The following PCDH7 variants were observed in gnomAD, a reference collection of about 807,000 sequenced individuals.
PCDH7 encodes the protein protocadherin 7.
PCDH7 carries 17 observed loss-of-function variants against 58.9 expected under a neutral mutation model. The ratio of observed to expected loss-of-function variants is 0.29; its 90% CI spans 0.20 to 0.43. The LOEUF is 0.43. Ranked by LOEUF, PCDH7 falls within the 20% of genes least tolerant of loss-of-function variation. PCDH7 has a pLI of 1.00. For synonymous variants in PCDH7, 664 were observed against 616.4 expected (o/e 1.08, Z -1.14); for missense variants, 1,274 against 1,441.0 (o/e 0.88, Z 1.88).
chr4:30,964,006 G>A (rs767543387), intron 3 of PCDH7, among the ~76,000 whole-genome samples: 1 of 152,056 alleles, frequency 6.6e-6, no homozygotes, highest in Non-Finnish European at 1.5e-5. Flanking sequence ...CTCCTTTGAT[G>A]TATCTTCAGG....
chr4:30,893,283 ATTG>A (rs1292188731), intron 1 of PCDH7, among the ~76,000 whole-genome samples: 8 of 152,048 alleles, frequency 5.3e-5, no homozygotes, highest in Admixed American at 5.2e-4. Context: ...CCAAGCTACC[ATTG>A]TTGTTGTTTT....
intron 3 of PCDH7, among the ~76,000 whole-genome samples, chr4:30,952,792 C>T (rs943155201): frequency 3.3e-5 from 5 of 152,008 alleles, no homozygotes; most frequent in Admixed American, 6.6e-5. Context: ...GAGCAAGATA[C>T]GGGCTTATGC....
At chr4:30,771,459 G>A (rs1019358732) in intron 1 of PCDH7, among the ~76,000 whole-genome samples, 1 of 152,148 alleles carries the variant, frequency 6.6e-6, no homozygotes, top group African/African-American at 2.4e-5. Context: ...GCAGTCAGAG[G>A]ATCTTAGCAT....
chr4:30,728,277 G>T (rs1330197779), intron 1 of PCDH7, among the ~76,000 whole-genome samples: 1 of 139,724 alleles, frequency 7.2e-6, no homozygotes, highest in Non-Finnish European at 1.6e-5. Flanking sequence ...ACATACATAT[G>T]TATATATATA....
intron 1 of PCDH7, among the ~76,000 whole-genome samples, chr4:30,849,378 C>T (rs1448313238): frequency 6.6e-6 from 1 of 152,146 alleles, no homozygotes; most frequent in Non-Finnish European, 1.5e-5. Context: ...TACTGATTCT[C>T]AGAATAGGCA....
chr4:31,062,809 A>G (rs1341393341), intron 3 of PCDH7, among the ~76,000 whole-genome samples: 1 of 151,804 alleles, frequency 6.6e-6, no homozygotes, highest in Non-Finnish European at 1.5e-5. Flanking sequence ...ATAAAGCGTA[A>G]CTTTGAGGTT....
intron 1 of PCDH7, among the ~76,000 whole-genome samples, chr4:30,766,939 T>C (rs553614346): frequency 6.6e-6 from 1 of 152,162 alleles, no homozygotes; most frequent in Non-Finnish European, 1.5e-5. Flanking sequence ...TTTTAAAAGA[T>C]GGGCTTACAG....
At chr4:30,885,680 A>C (rs1030672262) in intron 1 of PCDH7, among the ~76,000 whole-genome samples, 2 of 152,180 alleles carry the variant, frequency 1.3e-5, no homozygotes, top group Non-Finnish European at 2.9e-5. Context: ...CCTAAGCCAA[A>C]AGAACAAAGC....
chr4:31,008,233 C>T (rs1435951039), intron 3 of PCDH7, among the ~76,000 whole-genome samples: 1 of 152,038 alleles, frequency 6.6e-6, no homozygotes, highest in African/African-American at 2.4e-5. Context: ...TGAGTATTTT[C>T]ACTTTCTGAG....
intron 3 of PCDH7, among the ~76,000 whole-genome samples, chr4:31,068,701 C>T (rs1758296716): frequency 6.6e-6 from 1 of 152,006 alleles, no homozygotes; most frequent in Non-Finnish European, 1.5e-5. Flanking sequence ...TCTCCCTAAC[C>T]TGTCTGCTGG....
chr4:30,721,444 G>A lies in PCDH7; in HGVS notation c.22G>A (p.Gly8Arg). Residue 8 changes from glycine (G) to arginine (R), a missense_variant, in exon 1 of 2, where the codon GGA becomes AGA. Physicochemically the swap from Gly to Arg is moderately radical, Grantham distance 125. Transcript: ENST00000361762. This position sits in a 1 kb window ranked among gnomAD's most constrained non-coding sequence, Gnocchi z 6.7. ...GAAGATGCTGAGGATGCGGACCGCG[G>A]GATGGGCGCGCGGCTGGTGCTTGGG... The A allele has an allele frequency of 2.6e-6, 4 of 1,535,926 alleles. No homozygotes were observed. The highest frequency in any genetic ancestry group is 3.5e-6 in the Non-Finnish European group (4 of 1,145,006).
intron 1 of PCDH7, among the ~76,000 whole-genome samples, chr4:30,801,350 A>G (rs981552811): frequency 3.3e-5 from 5 of 152,200 alleles, no homozygotes; most frequent in African/African-American, 1.2e-4. Flanking sequence ...CCCAGTGAAT[A>G]TATGCATATA....
intron 3 of PCDH7, among the ~76,000 whole-genome samples, chr4:31,026,962 T>G (rs925142226): frequency 1.3e-5 from 2 of 152,192 alleles, no homozygotes; most frequent in Non-Finnish European, 2.9e-5. Context: ...AATTATTGCA[T>G]TTTAAGTAAA....
At chr4:30,916,598 G>A (rs1036614183) in intron 1 of PCDH7, among the ~76,000 whole-genome samples, 2 of 152,080 alleles carry the variant, frequency 1.3e-5, no homozygotes, top group African/African-American at 2.4e-5. Context: ...ACACAAAATC[G>A]TTTATCACCC....
chr4:30,791,960 A>G (rs1724173242), intron 1 of PCDH7, among the ~76,000 whole-genome samples: 2 of 152,214 alleles, frequency 1.3e-5, no homozygotes, highest in Admixed American at 1.3e-4. Flanking sequence ...TATGATAACC[A>G]TTTCACAAAT....
chr4:31,115,482 A>G (rs1461494965), intron 3 of PCDH7, among the ~76,000 whole-genome samples: 1 of 152,118 alleles, frequency 6.6e-6, no homozygotes, highest in African/African-American at 2.4e-5. Context: ...TTTTCCGCTC[A>G]TTCTTTATTT....
intron 3 of PCDH7, among the ~76,000 whole-genome samples, chr4:31,056,458 G>GAAAGAAAGAAAGAAAGAAAGA (rs376643176): frequency 1.2e-5 from 1 of 83,156 alleles, no homozygotes; most frequent in Non-Finnish European, 2.2e-5. Context: ...AAGAAAGAAA[G>GAAAGAAAGAAAGAAAGAAAGA]AAGAAAGAAA....
At chr4:30,909,326 G>A (rs759069060) in intron 1 of PCDH7, among the ~76,000 whole-genome samples, 12 of 152,118 alleles carry the variant, frequency 7.9e-5, no homozygotes, top group Non-Finnish European at 1.6e-4. Context: ...TGAAGTTCTG[G>A]CCAGGGCAAT....
chr4:31,073,432 C>T (rs1056230488), intron 3 of PCDH7, among the ~76,000 whole-genome samples: 1 of 152,126 alleles, frequency 6.6e-6, no homozygotes, highest in African/African-American at 2.4e-5. Flanking sequence ...ATCTGCTATA[C>T]TATTAGCTCA....
Sources: gnomAD v4.1 joint callset for allele counts (sites outside exome capture counted in the v4.1 genomes callset) on GRCh38, gnomAD v4.1.1 for gene constraint, Gnocchi (gnomAD v3.1) non-coding constraint, MANE v1.5 for transcripts, NCBI Gene and HGNC (gene_info 2026-07-23, HGNC 2026-07-21) for gene names.